TMEM74: variants seen among roughly 807,000 people sequenced by gnomAD.
TMEM74 encodes the protein transmembrane protein 74.
Under a neutral mutation model 18.1 loss-of-function variants are expected in TMEM74, and 13 were observed. The observed-to-expected ratio is 0.72, with a 90% confidence interval of 0.47 to 1.14. TMEM74 has a LOEUF of 1.14. TMEM74 is among the 50% of genes most tolerant of loss of function. The probability of loss-of-function intolerance (pLI) is 0.00; values close to 1 mark genes in which losing one functional copy is unlikely to be tolerated. For synonymous variants in TMEM74, 159 were observed against 146.6 expected (o/e 1.08, Z -0.61); for missense variants, 372 against 375.9 (o/e 0.99, Z 0.09).
chr8:108,611,995 C>T (rs1173573221), intron 2 of TMEM74, among the ~76,000 whole-genome samples: 4 of 152,152 alleles, frequency 2.6e-5, no homozygotes, highest in South Asian at 2.1e-4. Context: ...AGAAAAGTGC[C>T]GAGCAAAAGG....
chr8:108,695,911 G>A (rs906157624), intron 1 of TMEM74, among the ~76,000 whole-genome samples: 10 of 152,158 alleles, frequency 6.6e-5, no homozygotes, highest in Non-Finnish European at 1.3e-4. Context: ...ACTCTTAGGA[G>A]TGAATTATTC....
At chr8:108,660,542 G>A (rs1237997696) in intron 1 of TMEM74, among the ~76,000 whole-genome samples, 1 of 152,162 alleles carries the variant, frequency 6.6e-6, no homozygotes, top group Non-Finnish European at 1.5e-5. Context: ...GACACTTAGA[G>A]AAACTCTGTA....
intron 1 of TMEM74, among the ~76,000 whole-genome samples, chr8:108,728,640 G>T (rs1021458252): frequency 2.6e-5 from 4 of 151,982 alleles, no homozygotes; most frequent in Non-Finnish European, 5.9e-5. Context: ...GCTAGTCCTG[G>T]GTCACATATA....
intron 1 of TMEM74, among the ~76,000 whole-genome samples, chr8:108,756,910 C>A (rs1166213553): frequency 1.3e-5 from 2 of 152,084 alleles, no homozygotes; most frequent in Non-Finnish European, 2.9e-5. Context: ...GCAGGAACTG[C>A]AAGAATGAAG....
chr8:108,755,186 G>T (rs1215185376), intron 1 of TMEM74, among the ~76,000 whole-genome samples: 3 of 152,068 alleles, frequency 2.0e-5, no homozygotes, highest in Admixed American at 6.6e-5. Context: ...CCTGCCTTTA[G>T]TCTGACCATC....
intron 2 of TMEM74, among the ~76,000 whole-genome samples, chr8:108,630,932 C>T (rs148856917): frequency 6.8e-4 from 103 of 152,074 alleles, no homozygotes; most frequent in African/African-American, 2.3e-3. Flanking sequence ...GGAACCAGCC[C>T]TGGACAAGAC....
intron 1 of TMEM74, among the ~76,000 whole-genome samples, chr8:108,660,759 G>A (rs1036414037): frequency 6.6e-5 from 10 of 152,118 alleles, no homozygotes; most frequent in East Asian, 5.8e-4. Flanking sequence ...ACAGTTAGCC[G>A]TAATATCCCC....
chr8:108,784,376 C>G lies in TMEM74; in HGVS notation c.723G>C (p.Leu241=). 1 of 1,614,104 alleles carries G rather than the reference C, an allele frequency of 6.2e-7. No homozygotes were observed. Among genetic ancestry groups the G allele is most frequent in the Non-Finnish European group, 8.5e-7 (1 of 1,180,036 alleles). ...CVIAGLCLLT[L]GGVILSCLLM... ...ACAAGCAGGACAGGATGACGCCCCC[C>G]AGCGTGAGGAGGCAGAGCCCCGCAA... The change falls in exon 2 of 2, where the codon CTG becomes CTC. Residue 241 remains leucine (L), a synonymous_variant. Transcript: ENST00000297459.
chr8:108,687,256 A>G (rs1226835595), intron 1 of TMEM74, among the ~76,000 whole-genome samples: 6 of 152,128 alleles, frequency 3.9e-5, no homozygotes, highest in African/African-American at 1.4e-4. Context: ...CAAACCTATA[A>G]AACCCAAAAG....
At chr8:108,702,304 C>T (rs1363968281) in intron 1 of TMEM74, among the ~76,000 whole-genome samples, 1 of 145,712 alleles carries the variant, frequency 6.9e-6, no homozygotes, top group African/African-American at 2.6e-5. Flanking sequence ...GAGATTGAGC[C>T]ACTGCACTCC....
chr8:108,715,520 A>G (rs183095183), intron 1 of TMEM74, among the ~76,000 whole-genome samples: 47 of 152,250 alleles, frequency 3.1e-4, no homozygotes, highest in African/African-American at 1.1e-3. Context: ...TGGAGAAGAA[A>G]GGCCTATAAT....
chr8:108,709,067 AC>A (rs1322777148), intron 1 of TMEM74, among the ~76,000 whole-genome samples: 1 of 152,206 alleles, frequency 6.6e-6, no homozygotes, highest in Admixed American at 6.5e-5. Context: ...GAATCCTTGT[AC>A]ACTGTTCGTG....
At chr8:108,704,994 C>A (rs117683916) in intron 1 of TMEM74, among the ~76,000 whole-genome samples, 1 of 152,048 alleles carries the variant, frequency 6.6e-6, no homozygotes. Flanking sequence ...TATAAACATC[C>A]GATATAATGT....
At position 108,784,991 on chromosome 8, in the gene TMEM74, T is replaced by C. The variant is rs748714946; in HGVS notation, c.108A>G (p.Thr36=). 1.2e-6 allele frequency: 2 copies of C among 1,614,150 alleles called. No homozygotes were observed. Among genetic ancestry groups the C allele is most frequent in the Non-Finnish European group, 8.5e-7 (1 of 1,180,014 alleles). Residue 36 remains threonine (T), a synonymous_variant, in exon 2 of 2, where the codon ACA becomes ACG. Transcript: ENST00000297459. Reference sequence around the variant, plus strand: ...GTTTCTGACAGCAGAGAGCAGCTCTTGTGGCTGCTGTATCTGCCTGGTCAC... The same window carrying C: ...GTTTCTGACAGCAGAGAGCAGCTCTCGTGGCTGCTGTATCTGCCTGGTCAC... The part of the protein sequence containing the change: ...LPGDQADTAA[T]RAALCCQKQC...
chr8:108,733,722 T>C (rs1813718506), intron 1 of TMEM74, among the ~76,000 whole-genome samples: 2 of 152,218 alleles, frequency 1.3e-5, no homozygotes, highest in African/African-American at 4.8e-5. Context: ...ATTCAGCATT[T>C]ATTTTCTTGT....
intron 2 of TMEM74, among the ~76,000 whole-genome samples, chr8:108,618,252 A>G (rs1812405733): frequency 6.6e-6 from 1 of 152,136 alleles, no homozygotes; most frequent in South Asian, 2.1e-4. Context: ...CTAGTGCTGA[A>G]ATATTTTGGA....
At chr8:108,641,562 C>G (rs1404879133) in intron 2 of TMEM74, among the ~76,000 whole-genome samples, 2 of 152,118 alleles carry the variant, frequency 1.3e-5, no homozygotes, top group East Asian at 1.9e-4. Flanking sequence ...TGTTAACTCA[C>G]CCACAATACA....
intron 2 of TMEM74, among the ~76,000 whole-genome samples, chr8:108,617,669 A>T (rs1812398467): frequency 6.6e-6 from 1 of 152,020 alleles, no homozygotes; most frequent in African/African-American, 2.4e-5. Flanking sequence ...AAGAACCCAG[A>T]CCCCATAAAA....
At chr8:108,657,301 A>T (rs1284845501) in intron 1 of TMEM74, among the ~76,000 whole-genome samples, 2 of 152,002 alleles carry the variant, frequency 1.3e-5, no homozygotes, top group Non-Finnish European at 2.9e-5. Flanking sequence ...AGTTAACCAG[A>T]CCTGGTCCTC....
Sources: gnomAD v4.1 joint callset for allele counts (sites outside exome capture counted in the v4.1 genomes callset) on GRCh38, gnomAD v4.1.1 for gene constraint, MANE v1.5 for transcripts, NCBI Gene and HGNC (gene_info 2026-07-23, HGNC 2026-07-21) for gene names.